SBNO1: variants seen among roughly 807,000 people sequenced by gnomAD.
SBNO1 encodes protein strawberry notch homolog 1.
A neutral mutation model predicts 173.6 loss-of-function variants in SBNO1; 23 were observed. The observed-to-expected ratio is 0.13, with a 90% CI of 0.10 to 0.19. The LOEUF (loss-of-function observed/expected upper bound fraction) is 0.19, where lower values mean the gene tolerates loss of function less well. Among genes scored for constraint, SBNO1 ranks in the 10% least tolerant of loss-of-function variants. SBNO1 has a pLI of 1.00. For missense variants in SBNO1, 1,238 were observed against 1,671.2 expected (o/e 0.74, Z 4.52); for synonymous variants, 632 against 571.5 (o/e 1.11, Z -1.51).
rs1170946400 is a variant in SBNO1 at position 123,331,222 on chromosome 12, G to A, written c.1043+20C>T. The A allele has an allele frequency of 1.9e-6, 3 of 1,611,596 alleles. No homozygotes were observed. The highest frequency in any genetic ancestry group is 3.3e-5 in the Admixed American group (2 of 59,896). On this transcript the variant is annotated intron_variant, in intron 8 of 31. Transcript: ENST00000602398. ...CGTGATCCGCTGCGCCTGGCCCACA[G>A]CCAGTTTTTAAACACTTACCACAAT...
chr12:123,309,655 C>T, intron 26 of SBNO1, 55 bp downstream of exon 26: 4 of 1,602,628 alleles, frequency 2.5e-6, no homozygotes, highest in Non-Finnish European at 3.4e-6. Context: ...TAAAGAATTT[C>T]TCCACTCCAC....
At chr12:123,343,506 A>T (rs536631673) in intron 4 of SBNO1, among the ~76,000 whole-genome samples, 1 of 150,278 alleles carries the variant, frequency 6.7e-6, no homozygotes, top group Non-Finnish European at 1.5e-5. Context: ...ACAACAAAAA[A>T]CTTTGCTTGT....
Position 123,295,868 on chromosome 12 carries a change from C to G in SBNO1, c.*40G>C. 1 of 1,599,652 alleles carries G rather than the reference C, an allele frequency of 6.3e-7. No homozygotes were observed. Among genetic ancestry groups the G allele is most frequent in the Non-Finnish European group, 8.5e-7 (1 of 1,171,012 alleles). On this transcript the variant is annotated 3_prime_UTR_variant, in exon 32 of 32. Coordinates refer to ENST00000602398, the MANE Select transcript of SBNO1 (RefSeq NM_001167856.3). ...TTTTTATGCAAATGATATGCTTCAA[C>G]AGCATTTCAGATCCATCCATGTTGA...
At chr12:123,340,871 G>T in intron 5 of SBNO1, 117 bp downstream of exon 5, 2 of 673,818 alleles carry the variant, frequency 3.0e-6, no homozygotes, top group East Asian at 2.8e-5. Flanking sequence ...TCCCACGCCT[G>T]TATAGCTTCT....
chr12:123,309,255 G>T lies in SBNO1; in HGVS notation c.3630+55C>A, dbSNP rs1462715223. The stretch of plus-strand genomic sequence containing the variant: ...TACAAAGTGAAGAGACAATTACAAT[G>T]CTGGCCATTAAAAAGTATTATATAT... On this transcript the variant is annotated intron_variant, in intron 28 of 31. Coordinates refer to ENST00000602398, the MANE Select transcript of SBNO1 (RefSeq NM_001167856.3). 11 of 1,261,958 alleles carry T rather than the reference G, an allele frequency of 8.7e-6. No homozygotes were observed. In the Admixed American group the frequency reaches 1.9e-4, roughly 22 times the overall value. The allele number at this position is 1,261,958 out of a possible 1,614,324, so 78.2% of individuals were successfully genotyped here.
intron 24 of SBNO1, among the ~76,000 whole-genome samples, chr12:123,311,784 G>T (rs1868600982): frequency 6.7e-6 from 1 of 149,898 alleles, no homozygotes; most frequent in Admixed American, 6.7e-5. Flanking sequence ...TGCCCAGGCT[G>T]GAGTGCAATG....
Position 123,298,811 on chromosome 12 carries a change from C to T in SBNO1, c.3846-640G>A, listed in dbSNP as rs978292355. ...TACTTTATAAAATGATCTTGCTAGC[C>T]GGGCAGGGTGGCTCATGCCTGTAAT... On this transcript the variant is annotated intron_variant, in intron 30 of 31. Transcript: ENST00000602398. 5.3e-5 allele frequency among the ~76,000 whole-genome samples: 8 copies of T among 152,176 alleles called. No individual in the cohort carries two copies. In the South Asian group the frequency reaches 1.0e-3, roughly 20 times the overall value.
rs144687739 is a variant in SBNO1 at position 123,320,826 on chromosome 12, C to T, written c.2364G>A (p.Glu788=). The T allele has an allele frequency of 6.3e-7, 1 of 1,593,960 alleles. No homozygotes were observed. The highest frequency in any genetic ancestry group is 8.5e-7 in the Non-Finnish European group (1 of 1,172,296). Residue 788 remains glutamate, a synonymous_variant, in exon 18 of 32, where the codon GAG becomes GAA. Coordinates refer to ENST00000602398, the MANE Select transcript of SBNO1 (RefSeq NM_001167856.3). The part of the protein sequence containing the change: ...LIRKDHKKNK[E]KKKKKSIDPD... The stretch of plus-strand genomic sequence containing the variant: ...GATCTATACTTTTCTTCTTTTTTTT[C>T]TCTTTGTTTTTCTTGTGGTCTTTTC...
chr12:123,318,075 C>T (rs1295093660), intron 20 of SBNO1, among the ~76,000 whole-genome samples: 1 of 152,170 alleles, frequency 6.6e-6, no homozygotes, highest in African/African-American at 2.4e-5. Context: ...GATCCTTTCA[C>T]CTCAGCCTCC....
Position 123,297,850 on chromosome 12 carries a change from C to T in SBNO1, c.4039+128G>A, listed in dbSNP as rs1177638109. ...GTTCAACCTTGTAAGAAATATAAAA[C>T]GGGTCCCATACCCACTACTGGAAGA... On this transcript the variant is annotated intron_variant, in intron 31 of 31. Transcript: ENST00000602398. 5 of 766,382 alleles carry T rather than the reference C, an allele frequency of 6.5e-6. 1 individual carries two copies. The highest frequency in any genetic ancestry group is 5.3e-5 in the African/African-American group (3 of 57,072). 47.5% of individuals were successfully genotyped at this position (766,382 alleles called of 1,614,324 possible).
chr12:123,331,313 A>G lies in SBNO1; in HGVS notation c.972T>C (p.Gly324=), dbSNP rs765935522. 7.4e-6 allele frequency: 12 copies of G among 1,613,704 alleles called. No homozygotes were observed. Among genetic ancestry groups the G allele is most frequent in the East Asian group, 2.2e-5 (1 of 44,898 alleles). The change falls in exon 8 of 32, where the codon GGT becomes GGC. Residue 324 remains glycine (G), a synonymous_variant. Transcript: ENST00000602398. ...RAGFLIGDGA[G]VGKGRTIAGI... ...CTGCTATCGTCCTTCCTTTTCCTAC[A>G]CCGGCACCATCACCTATTAAGAAGC...
chr12:123,348,195 C>T (rs1453929776), intron 2 of SBNO1, 62 bp from the exon 3 acceptor site: 1 of 907,554 alleles, frequency 1.1e-6, no homozygotes, highest in Non-Finnish European at 1.8e-6. Context: ...GTTTCAAGGA[C>T]AAGGTTTGCA....
chr12:123,331,463 G>GTTGATT (rs1871196870), intron 7 of SBNO1, 88 bp from the exon 8 acceptor site: 1 of 1,240,776 alleles, frequency 8.1e-7, no homozygotes, highest in South Asian at 1.4e-5. Context: ...GTAGGAATAT[G>GTTGATT]TTATGTTTTT....
At chr12:123,311,743 TA>T (rs1868585545) in intron 24 of SBNO1, among the ~76,000 whole-genome samples, 2 of 146,084 alleles carry the variant, frequency 1.4e-5, no homozygotes, top group South Asian at 2.2e-4. Context: ...TATATATATA[TA>T]TATATTTTTG....
intron 1 of SBNO1, among the ~76,000 whole-genome samples, chr12:123,352,821 G>A (rs1298903554): frequency 1.3e-5 from 2 of 151,774 alleles, no homozygotes; most frequent in African/African-American, 4.8e-5. Context: ...TTTTGGAGAC[G>A]GAGTCTAGCT....
chr12:123,327,612 A>G, intron 12 of SBNO1, 33 bp from the exon 13 acceptor site: 2 of 1,598,512 alleles, frequency 1.3e-6, no homozygotes, highest in Non-Finnish European at 1.7e-6. Context: ...GTAATTACCA[A>G]TACAGTAGAA....
chr12:123,297,883 G>A, intron 31 of SBNO1, 95 bp downstream of exon 31: 1 of 1,089,236 alleles, frequency 9.2e-7, no homozygotes, highest in Non-Finnish European at 1.4e-6. Context: ...AGAGATGTTA[G>A]ATGCATGTGG....
chr12:123,326,170 C>T lies in SBNO1; in HGVS notation c.1857G>A (p.Glu619=). 6.2e-7 allele frequency: 1 copy of T among 1,606,898 alleles called. No homozygotes were observed. ...KVKRVVQLAR[E]EIKNGKCVVI... is the part of the protein sequence containing the mutation. ...TACTTACTTTTCCATTCTTGATTTCCTCTCGAGCTAGTTGCACAACCCTTT... is the reference window on the plus strand; with the variant it reads ...TACTTACTTTTCCATTCTTGATTTCTTCTCGAGCTAGTTGCACAACCCTTT... Residue 619 remains glutamate, a synonymous_variant, in exon 14 of 32, where the codon GAG becomes GAA. Coordinates refer to ENST00000602398, the MANE Select transcript of SBNO1 (RefSeq NM_001167856.3).
At chr12:123,349,866 T>G (rs996594969) in intron 2 of SBNO1, among the ~76,000 whole-genome samples, 1 of 151,936 alleles carries the variant, frequency 6.6e-6, no homozygotes, top group Non-Finnish European at 1.5e-5. Flanking sequence ...TGAGCTGAGA[T>G]TGCGCCACTG....
Sources: allele counts gnomAD v4.1 joint callset (sites outside exome capture counted in the v4.1 genomes callset), GRCh38; gene constraint gnomAD v4.1.1; transcripts MANE v1.5; gene names NCBI Gene and HGNC (gene_info 2026-07-23, HGNC 2026-07-21).